The following TNS2 variants were observed in gnomAD, a reference collection of about 807,000 sequenced individuals.
TNS2 encodes tensin-2.
A neutral mutation model predicts 155.7 loss-of-function variants in TNS2; 77 were observed. The ratio of observed to expected loss-of-function variants is 0.49; its 90% confidence interval spans 0.41 to 0.60. The LOEUF (loss-of-function observed/expected upper bound fraction) is 0.60. Ranked by LOEUF, TNS2 falls within the 20% of genes least tolerant of loss-of-function variation. TNS2 has a pLI of 0.00. For missense variants in TNS2, 1,703 were observed against 1,868.8 expected (o/e 0.91, Z 1.64); for synonymous variants, 726 against 763.9 (o/e 0.95, Z 0.82).
chr12:53,059,847 C>T lies in TNS2; in HGVS notation c.2206C>T (p.Pro736Ser), dbSNP rs758057434. The change falls in exon 18 of 29, where the codon CCT becomes TCT. Residue 736 changes from proline (P) to serine (S), a missense_variant. By Grantham distance (74) the Pro-to-Ser change is moderately conservative. Transcript: ENST00000314250. This position sits in a 1 kb window ranked among gnomAD's most constrained non-coding sequence, Gnocchi z 4.7. ...CCCAGTGCGGCCTGGGCACCCGCTG[C>T]CTCTGCTCTTGCCTGCCTGTGGGCA... ...LHPVRPGHPL[P>S]LLLPACGHHH... The T allele has an allele frequency of 6.2e-7, 1 of 1,612,954 alleles. No individual in the cohort carries two copies. Among genetic ancestry groups the T allele is most frequent in the Non-Finnish European group, 8.5e-7 (1 of 1,179,904 alleles).
rs780216194 is a variant in TNS2 at position 53,058,012 on chromosome 12, C to T, written c.1020-15C>T. On this transcript the variant is annotated splice_polypyrimidine_tract_variant and intron_variant, in intron 13 of 28. Coordinates refer to ENST00000314250, the MANE Select transcript of TNS2 (RefSeq NM_170754.4). ...AGCTTCTGGTTCATCTCTGCCTTCT[C>T]CTCTCTCCCCACAGTCACATTGCAG... 1.2e-6 allele frequency: 2 copies of T among 1,614,044 alleles called. No individual in the cohort carries two copies. Among genetic ancestry groups the T allele is most frequent in the African/African-American group, 2.7e-5 (2 of 75,062 alleles).
rs148121884 is a variant in TNS2, at chr12:53,057,591, G to A, written c.870G>A (p.Leu290=). 156 of 1,613,218 alleles carry A rather than the reference G, an allele frequency of 9.7e-5. No homozygotes were observed. In the East Asian group the frequency reaches 3.4e-3, roughly 35 times the overall value. ...QRRYISYFSG[L]LSGSIRMNSS... is the part of the protein sequence containing the mutation. The stretch of plus-strand genomic sequence containing the variant: ...GATATATCAGCTACTTCAGTGGGCT[G>A]CTATCTGGCTCCATCAGAATGAACA... Residue 290 remains leucine, a synonymous_variant, in exon 12 of 29, where the codon CTG becomes CTA. Coordinates refer to ENST00000314250, the MANE Select transcript of TNS2 (RefSeq NM_170754.4).
chr12:53,049,272 C>T (rs970453538), upstream of TNS2: 2 of 1,593,898 alleles, frequency 1.3e-6, no homozygotes, highest in Non-Finnish European at 1.7e-6. Flanking sequence ...TTCGGGGTTG[C>T]CGCGGGGGGA....
At position 53,058,568 on chromosome 12, in the gene TNS2, A is replaced by AC; in HGVS notation, c.1226-4_1226-3insC. On this transcript the variant is annotated splice_region_variant and splice_polypyrimidine_tract_variant and intron_variant, in intron 15 of 28. Transcript: ENST00000314250. ...CCTGGTTCTTCACTGTCCACTCCCC[A>AC]TAGATGAGAGGTTCCCCTTCCAAGC... 6.2e-7 allele frequency: 1 copy of AC among 1,614,054 alleles called. No individual in the cohort carries two copies. Among genetic ancestry groups the AC allele is most frequent in the Non-Finnish European group, 8.5e-7 (1 of 1,179,976 alleles).
chr12:53,052,557 C>T, intron 3 of TNS2, 65 bp downstream of exon 3: 1 of 1,598,700 alleles, frequency 6.3e-7, no homozygotes, highest in Non-Finnish European at 8.6e-7. Context: ...CCCAAACAGG[C>T]TTCTGCAACC....
In TNS2 at chr12:53,062,556, G is replaced by A. The variant is rs1487751703; in HGVS notation, c.3746-64G>A. 4 of 1,608,864 alleles carry A rather than the reference G, an allele frequency of 2.5e-6. No homozygotes were observed. The South Asian group carries it at 4.4e-5, about 18-fold the overall frequency. ...CCGCCTTCCCTTGGGGAAGCAGAGG[G>A]AGTGCTCCAGCCTGGGGAACACTCT... On this transcript the variant is annotated intron_variant, in intron 24 of 28. Transcript: ENST00000314250.
upstream of TNS2, chr12:53,050,027 C>A: frequency 2.1e-6 from 3 of 1,459,082 alleles, no homozygotes; most frequent in Non-Finnish European, 2.7e-6. This position sits in a 1 kb window ranked among gnomAD's most constrained non-coding sequence, Gnocchi z 4.7. Flanking sequence ...CCTGCACTTC[C>A]CTCCACTTCC....
upstream of TNS2, among the ~76,000 whole-genome samples, chr12:53,047,874 G>T (rs1378859167): frequency 6.6e-6 from 1 of 152,130 alleles, no homozygotes; most frequent in South Asian, 2.1e-4. Context: ...CAGAGCCGCC[G>T]CCCTCCCTCG....
chr12:53,062,035 T>C, intron 22 of TNS2, 95 bp downstream of exon 22: 4 of 1,611,496 alleles, frequency 2.5e-6, no homozygotes, highest in South Asian at 2.2e-5. Flanking sequence ...GTGCTGGCCA[T>C]GCCGCTGTAG....
Position 53,059,832 on chromosome 12 carries a change from C to T in TNS2, c.2191C>T (p.Pro731Ser). The change falls in exon 18 of 29, where the codon CCT becomes TCT. Residue 731 changes from proline (P) to serine (S), a missense_variant. Pro to Ser is a moderately conservative substitution (Grantham distance 74). Coordinates refer to ENST00000314250, the MANE Select transcript of TNS2 (RefSeq NM_170754.4). The surrounding 1 kb of genome is among the most constrained non-coding windows in gnomAD (Gnocchi z 4.7). ...CAAGCCTCTCCTGCACCCAGTGCGGCCTGGGCACCCGCTGCCTCTGCTCTT... is the reference window on the plus strand; with the variant it reads ...CAAGCCTCTCCTGCACCCAGTGCGGTCTGGGCACCCGCTGCCTCTGCTCTT... ...AGKPLLHPVR[P>S]GHPLPLLLPA... 6.8e-6 allele frequency: 11 copies of T among 1,612,962 alleles called. No individual in the cohort carries two copies. Among genetic ancestry groups the T allele is most frequent in the Non-Finnish European group, 8.5e-6 (10 of 1,179,948 alleles).
Position 53,062,561 on chromosome 12 carries a change from C to G in TNS2, c.3746-59C>G, listed in dbSNP as rs990114556. On this transcript the variant is annotated intron_variant, in intron 24 of 28. Transcript: ENST00000314250. ...TTCCCTTGGGGAAGCAGAGGGAGTG[C>G]TCCAGCCTGGGGAACACTCTGCCTT... The G allele has an allele frequency of 2.5e-6, 4 of 1,607,926 alleles. No homozygotes were observed. In the African/African-American group the frequency reaches 5.3e-5, roughly 22 times the overall value.
intron 21 of TNS2, 117 bp from the exon 22 acceptor site, chr12:53,061,698 A>G: frequency 9.3e-6 from 14 of 1,511,026 alleles, no homozygotes; most frequent in Non-Finnish European, 9.8e-6. Context: ...TCTTACCGCC[A>G]CCACAGCTGT....
At chr12:53,053,137 T>A in intron 3 of TNS2, 1 of 466,248 alleles carries the variant, frequency 2.1e-6, no homozygotes. Flanking sequence ...CCTGCCTGCT[T>A]GGCTCTATAT....
intron 11 of TNS2, 74 bp downstream of exon 11, chr12:53,057,170 CA>C (rs772407833): frequency 3.1e-5 from 46 of 1,465,008 alleles, no homozygotes; most frequent in Non-Finnish European, 4.3e-5. Flanking sequence ...CTCTCTTATT[CA>C]TGCAGCACAC....
rs1479042767 is a variant in TNS2 at position 53,057,673 on chromosome 12, G to C, written c.952G>C (p.Gly318Arg). The C allele has an allele frequency of 2.5e-6, 4 of 1,614,102 alleles. No homozygotes were observed. The South Asian group carries it at 3.3e-5, about 13-fold the overall frequency. ...CCCCATGCTGCCAGCCTTTGAACCTGGCACAGGTGAGTCTGCCTGAGATGT... is the reference window on the plus strand; with the variant it reads ...CCCCATGCTGCCAGCCTTTGAACCTCGCACAGGTGAGTCTGCCTGAGATGT... ...LIPMLPAFEP[G>R]TGFQPFLKIY... Residue 318 changes from glycine to arginine, a missense_variant, in exon 12 of 29, where the codon GGC (glycine) becomes CGC (arginine). Physicochemically the swap from Gly to Arg is moderately radical, Grantham distance 125 (BLOSUM62 -2). Coordinates refer to ENST00000314250, the MANE Select transcript of TNS2 (RefSeq NM_170754.4).
chr12:53,053,520 C>G, intron 4 of TNS2, 71 bp downstream of exon 4: 3 of 1,583,262 alleles, frequency 1.9e-6, no homozygotes, highest in Non-Finnish European at 2.6e-6. Context: ...CTGGTGGCTC[C>G]AGAGAGGGCC....
chr12:53,048,765 T>A (rs1360105877), upstream of TNS2, among the ~76,000 whole-genome samples: 2 of 152,154 alleles, frequency 1.3e-5, no homozygotes, highest in East Asian at 3.9e-4. Context: ...GGGTCTCAAG[T>A]GGGCACCCAC....
At position 53,060,718 on chromosome 12, in the gene TNS2, C is replaced by A. The variant is rs200416531; in HGVS notation, c.2812C>A (p.Gln938Lys). The change falls in exon 20 of 29, where the codon CAG becomes AAG. Residue 938 changes from glutamine (Q) to lysine (K), a missense_variant. Coordinates refer to ENST00000314250, the MANE Select transcript of TNS2 (RefSeq NM_170754.4). The surrounding 1 kb of genome is among the most constrained non-coding windows in gnomAD (Gnocchi z 6.1). ...DTRSPTSAPTQRLSPGEALPP... is the reference protein window; with the variant it reads ...DTRSPTSAPTKRLSPGEALPP... ...CAGGTCCCCCACCTCAGCGCCCACT[C>A]AGAGACTGAGTCCTGGCGAGGCCTT... is the stretch of plus-strand genomic sequence containing the variant. 249 of 1,599,960 alleles carry A rather than the reference C, an allele frequency of 1.6e-4. 1 individual carries two copies. The East Asian group carries it at 5.3e-3, about 34-fold the overall frequency.
chr12:53,047,468 G>A (rs1401165086), upstream of TNS2, among the ~76,000 whole-genome samples: 18 of 139,318 alleles, frequency 1.3e-4, no homozygotes, highest in African/African-American at 4.0e-4. Flanking sequence ...CGGGGCCGCC[G>A]GAGGTCGAGA....
Sources: gnomAD v4.1 joint callset for allele counts (sites outside exome capture counted in the v4.1 genomes callset) on GRCh38, gnomAD v4.1.1 for gene constraint, Gnocchi (gnomAD v3.1) non-coding constraint, MANE v1.5 for transcripts, NCBI Gene and HGNC (gene_info 2026-07-23, HGNC 2026-07-21) for gene names.